Variants in WWOX observed in about 807,000 individuals in gnomAD.
The protein encoded by WWOX is WW domain containing oxidoreductase, also known as WW domain-containing oxidoreductase.
In WWOX, 69 loss-of-function variants were observed where a neutral mutation model predicts 46.2. The ratio of observed to expected loss-of-function variants is 1.49; its 90% CI spans 1.23 to 1.82. The LOEUF is 1.82. Among genes scored for constraint, WWOX ranks in the 40% most tolerant of loss-of-function variants. The pLI, the probability that WWOX is intolerant of heterozygous loss-of-function variation, is 0.00. For missense variants in WWOX, 919 were observed against 542.6 expected, an observed-to-expected ratio of 1.69 and a Z score of -6.89; for synonymous variants, 359 against 202.6, an observed-to-expected ratio of 1.77 and a Z score of -6.56.
intron 8 of WWOX, among the ~76,000 whole-genome samples, chr16:78,698,429 T>G (rs2048145404): frequency 6.6e-6 from 1 of 152,228 alleles, no homozygotes; most frequent in Non-Finnish European, 1.5e-5. Flanking sequence ...CATTACAGAT[T>G]TTAAATCCTA....
At chr16:78,702,222 G>A (rs9937000) in intron 8 of WWOX, among the ~76,000 whole-genome samples, 1 of 148,016 alleles carries the variant, frequency 6.8e-6, no homozygotes, top group Non-Finnish European at 1.5e-5. Flanking sequence ...CGAGGCGGCA[G>A]TGAGCAGTGA....
intron 8 of WWOX, among the ~76,000 whole-genome samples, chr16:78,634,733 T>A (rs2046523021): frequency 6.9e-6 from 1 of 145,434 alleles, no homozygotes; most frequent in South Asian, 2.2e-4. Flanking sequence ...AAGTTCTAAA[T>A]CAGTGGATTC....
intron 8 of WWOX, among the ~76,000 whole-genome samples, chr16:79,189,581 A>C (rs527276214): frequency 4.6e-5 from 7 of 152,114 alleles, no homozygotes; most frequent in Admixed American, 2.6e-4. Flanking sequence ...GATTACCTGC[A>C]TGAGCCACTG....
chr16:79,090,616 C>T (rs1234410290), intron 8 of WWOX, among the ~76,000 whole-genome samples: 1 of 152,090 alleles, frequency 6.6e-6, no homozygotes, highest in African/African-American at 2.4e-5. Context: ...AGACAGGGTT[C>T]TGTGATGAGT....
chr16:78,726,071 T>TTCCCTCCCTCCCTCTTCCTCCTTCCC (rs2048824916), intron 8 of WWOX, among the ~76,000 whole-genome samples: 2 of 96,560 alleles, frequency 2.1e-5, no homozygotes, highest in African/African-American at 7.4e-5. Context: ...CCTGCTTCCC[T>TTCCCTCCCTCCCTCTTCCTCCTTCCC]TCCCTCCCTC....
rs527397107 is a variant in WWOX at position 78,767,508 on chromosome 16, G to A, written c.1056+334756G>A. The stretch of plus-strand genomic sequence containing the variant: ...TGTGTGTGTGTGTGTGTGTGTGTGT[G>A]TTTGAATAATACTCCTATGAACATT... On this transcript the variant is annotated intron_variant, in intron 8 of 8. Coordinates refer to ENST00000566780, the MANE Select transcript of WWOX (RefSeq NM_016373.4). Among the ~76,000 whole-genome samples, 11 of 149,584 alleles carry A rather than the reference G, an allele frequency of 7.4e-5. No homozygotes were observed. In the South Asian group the frequency reaches 2.1e-3, roughly 29 times the overall value.
chr16:78,456,036 C>G (rs568501907), intron 8 of WWOX, among the ~76,000 whole-genome samples: 5 of 152,092 alleles, frequency 3.3e-5, no homozygotes, highest in Non-Finnish European at 7.4e-5. Flanking sequence ...TTGTTACTAC[C>G]GAAGGAGCTT....
chr16:78,289,863 C>A (rs1025536017), intron 5 of WWOX, among the ~76,000 whole-genome samples: 1 of 138,848 alleles, frequency 7.2e-6, no homozygotes, highest in African/African-American at 2.8e-5. Flanking sequence ...TTTTACTGGC[C>A]TACAGTGTCA....
chr16:78,315,105 A>G (rs1597472408), intron 5 of WWOX, among the ~76,000 whole-genome samples: 1 of 151,966 alleles, frequency 6.6e-6, no homozygotes, highest in East Asian at 1.9e-4. Context: ...TTTGGCTTTA[A>G]TTTTGTCACT....
intron 8 of WWOX, among the ~76,000 whole-genome samples, chr16:78,492,222 G>A (rs7191096): frequency 0.12 from 18,607 of 152,178 alleles, 1,475 homozygotes; most frequent in African/African-American, 0.22. Flanking sequence ...AGGATGAAGC[G>A]GGAAACCTGA....
In WWOX at chr16:78,646,904, C is replaced by T. The variant is rs558243576; in HGVS notation, c.1056+214152C>T. On this transcript the variant is annotated intron_variant, in intron 8 of 8. Transcript: ENST00000566780. ...TGTTGGCTGTGAGTAAGAGAAGTCT[C>T]ACCCAACTAGCTGAAGCGAGGTGGG... 4.6e-5 allele frequency among the ~76,000 whole-genome samples: 7 copies of T among 152,266 alleles called. No individual in the cohort carries two copies. In the South Asian group the frequency reaches 1.2e-3, roughly 27 times the overall value.
chr16:78,621,594 T>C (rs1312989361), intron 8 of WWOX, among the ~76,000 whole-genome samples: 1 of 54,492 alleles, frequency 1.8e-5, no homozygotes, highest in Non-Finnish European at 3.8e-5. Flanking sequence ...GTTCTAATCT[T>C]TTTTTTTTTT....
intron 4 of WWOX, among the ~76,000 whole-genome samples, chr16:78,136,619 C>A (rs1382032733): frequency 2.6e-5 from 4 of 152,178 alleles, no homozygotes; most frequent in Non-Finnish European, 5.9e-5. Context: ...GAACGTAGAG[C>A]TTTTTACTCT....
intron 8 of WWOX, among the ~76,000 whole-genome samples, chr16:79,088,032 A>G (rs1051686877): frequency 6.6e-6 from 1 of 152,006 alleles, no homozygotes; most frequent in African/African-American, 2.4e-5. Flanking sequence ...TTTGCTTCCT[A>G]TGAAATTGGT....
At chr16:79,047,054 C>T (rs1027807949) in intron 8 of WWOX, among the ~76,000 whole-genome samples, 2 of 152,212 alleles carry the variant, frequency 1.3e-5, no homozygotes, top group African/African-American at 4.8e-5. Context: ...TTACATATGT[C>T]CTTGGCATCC....
chr16:78,695,360 T>C (rs1368334554), intron 8 of WWOX, among the ~76,000 whole-genome samples: 4 of 152,182 alleles, frequency 2.6e-5, no homozygotes, highest in Non-Finnish European at 4.4e-5. Context: ...CCTCATTTTT[T>C]AAGCAGGAAA....
At position 78,984,334 on chromosome 16, in the gene WWOX, C is replaced by G. The variant is rs891454222; in HGVS notation, c.1057-227274C>G. Among the ~76,000 whole-genome samples the G allele has an allele frequency of 2.0e-5, 3 of 152,272 alleles. No individual in the cohort carries two copies. The South Asian group carries it at 6.2e-4, about 32-fold the overall frequency. On this transcript the variant is annotated intron_variant, in intron 8 of 8. Transcript: ENST00000566780. ...AGTCCCCCACCTCCAAGAAAGCACT[C>G]TCTAGGTCAAGAATCAGCAAATGTT...
intron 5 of WWOX, among the ~76,000 whole-genome samples, chr16:78,318,057 G>A (rs2080390972): frequency 6.6e-6 from 1 of 152,122 alleles, no homozygotes; most frequent in Non-Finnish European, 1.5e-5. Context: ...AGATCCAGGC[G>A]TAGAAATTGG....
At chr16:78,310,310 C>T (rs750224991) in intron 5 of WWOX, among the ~76,000 whole-genome samples, 1 of 152,210 alleles carries the variant, frequency 6.6e-6, no homozygotes, top group African/African-American at 2.4e-5. Flanking sequence ...TTGTCTCACA[C>T]CTCCTGGCCA....
Sources: gnomAD v4.1 joint callset for allele counts (sites outside exome capture counted in the v4.1 genomes callset) on GRCh38, gnomAD v4.1.1 for gene constraint, MANE v1.5 for transcripts, NCBI Gene and HGNC (gene_info 2026-07-23, HGNC 2026-07-21) for gene names.